ANO2: variants seen among roughly 807,000 people sequenced by gnomAD.
ANO2 encodes the protein anoctamin 2, also known as anoctamin-2.
In ANO2, 101 loss-of-function variants were observed where a neutral mutation model predicts 124.2. The observed-to-expected ratio is 0.81, with a 90% CI of 0.69 to 0.96. ANO2 has a LOEUF of 0.96. Among genes scored for constraint, ANO2 ranks in the 40% least tolerant of loss-of-function variants. The probability of loss-of-function intolerance (pLI) is 0.00; values close to 1 mark genes in which losing one functional copy is unlikely to be tolerated. For missense variants in ANO2, 1,293 were observed against 1,274.5 expected (o/e 1.01, Z -0.22); for synonymous variants, 486 against 482.5 (o/e 1.01, Z -0.09).
intron 10 of ANO2, among the ~76,000 whole-genome samples, chr12:5,757,473 A>G (rs1197848284): frequency 6.6e-6 from 1 of 152,224 alleles, no homozygotes; most frequent in Non-Finnish European, 1.5e-5. Flanking sequence ...GGAGCAATAT[A>G]TTTAATTTCC....
At chr12:5,733,084 T>C (rs1385541749) in intron 13 of ANO2, 1 of 625,212 alleles carries the variant, frequency 1.6e-6, no homozygotes. Flanking sequence ...CAGCTGGGAG[T>C]GAGGGCAACA....
At chr12:5,753,307 G>T (rs557003600) in intron 10 of ANO2, among the ~76,000 whole-genome samples, 13 of 152,298 alleles carry the variant, frequency 8.5e-5, no homozygotes, top group Admixed American at 8.5e-4. Flanking sequence ...AGGAGAAAAT[G>T]AGCAGGTAGC....
chr12:5,796,528 C>T (rs1203397404), intron 10 of ANO2, among the ~76,000 whole-genome samples: 1 of 152,100 alleles, frequency 6.6e-6, no homozygotes, highest in Non-Finnish European at 1.5e-5. Flanking sequence ...CATTCTCACA[C>T]TCACACACAC....
At chr12:5,619,855 G>A (rs1945022661) in intron 16 of ANO2, among the ~76,000 whole-genome samples, 1 of 152,228 alleles carries the variant, frequency 6.6e-6, no homozygotes, top group South Asian at 2.1e-4. Flanking sequence ...AGCTGGCGAG[G>A]GAAACTGGGA....
intron 3 of ANO2, among the ~76,000 whole-genome samples, chr12:5,878,229 T>G (rs1938240498): frequency 6.6e-6 from 1 of 152,252 alleles, no homozygotes; most frequent in Non-Finnish European, 1.5e-5. Context: ...TTATCTCCAA[T>G]TCTTACGATA....
chr12:5,788,280 G>A (rs1264992856), intron 10 of ANO2, among the ~76,000 whole-genome samples: 2 of 152,178 alleles, frequency 1.3e-5, no homozygotes, highest in African/African-American at 4.8e-5. Flanking sequence ...ACACAATACA[G>A]AAATGACCTT....
chr12:5,689,309 G>A (rs1432272090), intron 14 of ANO2, among the ~76,000 whole-genome samples: 1 of 151,648 alleles, frequency 6.6e-6, no homozygotes, highest in Non-Finnish European at 1.5e-5. Flanking sequence ...CGAGGAGTTA[G>A]AGATCATCAA....
chr12:5,729,930 A>T (rs1175902901), intron 14 of ANO2, among the ~76,000 whole-genome samples: 1 of 152,236 alleles, frequency 6.6e-6, no homozygotes, highest in African/African-American at 2.4e-5. Context: ...AATACCATTT[A>T]CGTGAAAGTC....
intron 7 of ANO2, among the ~76,000 whole-genome samples, chr12:5,824,554 T>A (rs963021295): frequency 1.3e-5 from 2 of 152,306 alleles, no homozygotes; most frequent in Non-Finnish European, 1.5e-5. Flanking sequence ...CATATTGCTA[T>A]CAGCATTTTG....
chr12:5,922,720 T>C lies in ANO2; in HGVS notation c.107A>G (p.Gln36Arg), dbSNP rs199820488. 2.4e-5 allele frequency: 39 copies of C among 1,600,136 alleles called. No individual in the cohort carries two copies. In the African/African-American group the frequency reaches 4.4e-4, roughly 18 times the overall value. The change falls in exon 2 of 25, where the codon CAG becomes CGG. Residue 36 changes from glutamine (Q) to arginine (R), a missense_variant. Physicochemically the swap from Gln to Arg is conservative, Grantham distance 43. Coordinates refer to ENST00000682330, the MANE Select transcript of ANO2 (RefSeq NM_001364791.2). Reference sequence around the variant, plus strand: ...CCGGGGACCTGGCATCTTGAGACACTGCTGTCCATGTTTGGGGCCCTGGCC... The same window carrying C: ...CCGGGGACCTGGCATCTTGAGACACCGCTGTCCATGTTTGGGGCCCTGGCC... The part of the protein sequence containing the change: ...RGGQGPKHGQ[Q>R]CLKMPGPRAP...
At chr12:5,607,204 T>G (rs1435741448) in intron 19 of ANO2, among the ~76,000 whole-genome samples, 2 of 152,114 alleles carry the variant, frequency 1.3e-5, no homozygotes, top group Non-Finnish European at 2.9e-5. Flanking sequence ...AGAAAACGAC[T>G]GTCCCTGAGT....
intron 14 of ANO2, among the ~76,000 whole-genome samples, chr12:5,669,062 C>A (rs251767): frequency 1 from 151,632 of 151,688 alleles, 75,788 homozygotes; most frequent in Middle Eastern, 1. Flanking sequence ...ATTTTAAAAT[C>A]GTTTCTTCTA....
intron 3 of ANO2, among the ~76,000 whole-genome samples, chr12:5,870,005 G>T (rs932299650): frequency 6.6e-6 from 1 of 152,114 alleles, no homozygotes; most frequent in Non-Finnish European, 1.5e-5. Flanking sequence ...ATCAGCCCAA[G>T]AATACTGTCA....
chr12:5,906,626 C>G (rs1940712251), intron 3 of ANO2, among the ~76,000 whole-genome samples: 1 of 152,034 alleles, frequency 6.6e-6, no homozygotes, highest in Admixed American at 6.5e-5. Flanking sequence ...GAAACCCAGT[C>G]TCTACTAAAA....
At chr12:5,607,424 C>T (rs1415549270) in intron 19 of ANO2, among the ~76,000 whole-genome samples, 1 of 146,930 alleles carries the variant, frequency 6.8e-6, no homozygotes, top group South Asian at 2.2e-4. Flanking sequence ...ACGTAAAAAC[C>T]TTTTTTTTTT....
chr12:5,944,128 G>A (rs901883913), intron 1 of ANO2, among the ~76,000 whole-genome samples: 18 of 152,222 alleles, frequency 1.2e-4, no homozygotes, highest in African/African-American at 4.3e-4. Flanking sequence ...ACTGAGAGGA[G>A]CAAATGAGCC....
chr12:5,701,343 T>C (rs140835088), intron 14 of ANO2, among the ~76,000 whole-genome samples: 184 of 152,302 alleles, frequency 1.2e-3, no homozygotes, highest in African/African-American at 4.3e-3. Context: ...TGTGTGCTGA[T>C]TCCTAATCTG....
At chr12:5,922,827 A>G (rs1446824351) in intron 1 of ANO2, 23 bp from the exon 2 acceptor site, 4 of 1,473,350 alleles carry the variant, frequency 2.7e-6, no homozygotes, top group Non-Finnish European at 2.7e-6. Flanking sequence ...AAGACAAGGG[A>G]GGCAAAACAG....
chr12:5,733,906 G>A (rs1413444029), intron 13 of ANO2, among the ~76,000 whole-genome samples: 2 of 152,114 alleles, frequency 1.3e-5, no homozygotes, highest in African/African-American at 2.4e-5. Context: ...TTTCCTCGCT[G>A]TTTTGCATGT....
Sources: allele counts gnomAD v4.1 joint callset (sites outside exome capture counted in the v4.1 genomes callset), GRCh38; gene constraint gnomAD v4.1.1; transcripts MANE v1.5; gene names NCBI Gene and HGNC (gene_info 2026-07-23, HGNC 2026-07-21).